SPOCK3: variants seen among roughly 807,000 people sequenced by gnomAD.
The protein encoded by SPOCK3 is SPARC (osteonectin), cwcv and kazal like domains proteoglycan 3.
A neutral mutation model predicts 56.6 loss-of-function variants in SPOCK3; 30 were observed. The ratio of observed to expected loss-of-function variants is 0.53; its 90% confidence interval spans 0.40 to 0.72. The LOEUF is 0.72. Among genes scored for constraint, SPOCK3 ranks in the 30% least tolerant of loss-of-function variants. The pLI is 0.00. For synonymous variants in SPOCK3, 196 were observed against 183.3 expected (o/e 1.07, Z -0.56); for missense variants, 527 against 530.0 (o/e 0.99, Z 0.06).
At chr4:166,784,369 C>T (rs760447127) in intron 7 of SPOCK3, among the ~76,000 whole-genome samples, 1 of 151,862 alleles carries the variant, frequency 6.6e-6, no homozygotes, top group Non-Finnish European at 1.5e-5. Context: ...ATATATGAAT[C>T]GTATAATTTC....
At chr4:167,021,478 C>T (rs1010819156) in intron 3 of SPOCK3, among the ~76,000 whole-genome samples, 5 of 151,962 alleles carry the variant, frequency 3.3e-5, no homozygotes, top group African/African-American at 1.2e-4. Context: ...TCTTCCCAGT[C>T]AAGTTCTCAA....
At chr4:166,874,416 C>A (rs1732867629) in intron 6 of SPOCK3, among the ~76,000 whole-genome samples, 2 of 152,062 alleles carry the variant, frequency 1.3e-5, no homozygotes, top group South Asian at 4.2e-4. Context: ...AGCATCAGAC[C>A]CTTGAAAAAT....
chr4:166,841,362 A>C (rs1162805341), intron 6 of SPOCK3, among the ~76,000 whole-genome samples: 1 of 152,002 alleles, frequency 6.6e-6, no homozygotes, highest in African/African-American at 2.4e-5. Flanking sequence ...GATGCAAGCA[A>C]AAGAAAAACA....
chr4:166,966,796 C>A (rs1458605993), intron 4 of SPOCK3, among the ~76,000 whole-genome samples: 2 of 152,052 alleles, frequency 1.3e-5, no homozygotes, highest in South Asian at 2.1e-4. Flanking sequence ...ACCTTACTGA[C>A]CCTCTAGCAG....
At chr4:167,226,716 A>G (rs9312522) in intron 2 of SPOCK3, among the ~76,000 whole-genome samples, 27,146 of 151,970 alleles carry the variant, frequency 0.18, 3,327 homozygotes, top group African/African-American at 0.34. Flanking sequence ...GGTGAATTCT[A>G]GGACAAGGTG....
At chr4:167,173,523 T>C (rs1270488860) in intron 2 of SPOCK3, among the ~76,000 whole-genome samples, 1 of 152,128 alleles carries the variant, frequency 6.6e-6, no homozygotes, top group African/African-American at 2.4e-5. Context: ...GCTAGTAAAT[T>C]TCTTCATATG....
chr4:167,214,138 A>C lies in SPOCK3; in HGVS notation c.189+19847T>G, dbSNP rs188582014. Reference sequence around the variant, plus strand: ...ATTATATTGGTTGAGGATGTCTTCCAAGATGTAAATTTAGAAAAGGTTTTA... The same window carrying C: ...ATTATATTGGTTGAGGATGTCTTCCCAGATGTAAATTTAGAAAAGGTTTTA... On this transcript the variant is annotated intron_variant, in intron 2 of 10. Coordinates refer to ENST00000357545, the MANE Select transcript of SPOCK3 (RefSeq NM_001040159.2). 7.9e-5 allele frequency among the ~76,000 whole-genome samples: 12 copies of C among 152,098 alleles called. No homozygotes were observed. In the East Asian group the frequency reaches 2.4e-3, roughly 30 times the overall value.
At position 167,188,420 on chromosome 4, in the gene SPOCK3, T is replaced by C. The variant is rs1732200102; in HGVS notation, c.189+45565A>G. Among the ~76,000 whole-genome samples the C allele has an allele frequency of 2.1e-5, 3 of 146,036 alleles. 1 individual carries two copies. The Admixed American group carries it at 2.1e-4, about 10-fold the overall frequency. Reference sequence around the variant, plus strand: ...AGAATAGAACTAGAAATAGCCCAGATACTGGAACGATAAGAAAAAAGGTCT... The same window carrying C: ...AGAATAGAACTAGAAATAGCCCAGACACTGGAACGATAAGAAAAAAGGTCT... On this transcript the variant is annotated intron_variant, in intron 2 of 10. Transcript: ENST00000357545.
intron 5 of SPOCK3, among the ~76,000 whole-genome samples, chr4:166,904,585 ATTAG>A (rs1258600034): frequency 6.6e-6 from 1 of 152,060 alleles, no homozygotes; most frequent in Non-Finnish European, 1.5e-5. Context: ...ATAACATTAT[ATTAG>A]TTGAAATAAG....
intron 2 of SPOCK3, among the ~76,000 whole-genome samples, chr4:167,157,564 A>G (rs1764921980): frequency 6.6e-6 from 1 of 151,734 alleles, no homozygotes; most frequent in Non-Finnish European, 1.5e-5. Context: ...GTCACATATT[A>G]TATTTCTTCT....
At chr4:167,062,660 C>A in intron 2 of SPOCK3, 123 bp from the exon 3 acceptor site, 1 of 641,996 alleles carries the variant, frequency 1.6e-6, no homozygotes. Flanking sequence ...CCTGCAATGG[C>A]AAGCAGCAAA....
intron 3 of SPOCK3, among the ~76,000 whole-genome samples, chr4:167,045,821 T>A (rs1334849165): frequency 6.6e-6 from 1 of 152,172 alleles, no homozygotes; most frequent in African/African-American, 2.4e-5. Context: ...ATTATAATTT[T>A]GAACAAACTA....
At chr4:166,881,887 A>G (rs888162186) in intron 6 of SPOCK3, among the ~76,000 whole-genome samples, 50 of 152,184 alleles carry the variant, frequency 3.3e-4, no homozygotes, top group Admixed American at 2.3e-3. Flanking sequence ...TGGAAAGCTA[A>G]TACGTCCTAT....
rs571977562 is a variant in SPOCK3, at chr4:166,841,422, TA to T, written c.589+47707del. On this transcript the variant is annotated intron_variant, in intron 6 of 10. Coordinates refer to ENST00000357545, the MANE Select transcript of SPOCK3 (RefSeq NM_001040159.2). ...CAAATTGTCATTTTACAATAATTTT[TA>T]AAAAAATTTCTTAAAGTAAGAAAAA... is the stretch of plus-strand genomic sequence containing the variant. Among the ~76,000 whole-genome samples the T allele has an allele frequency of 7.2e-5, 11 of 152,256 alleles. No homozygotes were observed. The East Asian group carries it at 1.9e-3, about 27-fold the overall frequency.
intron 2 of SPOCK3, among the ~76,000 whole-genome samples, chr4:167,106,842 T>G (rs1454982061): frequency 3.4e-5 from 5 of 148,506 alleles, no homozygotes; most frequent in Non-Finnish European, 6.0e-5. Context: ...ACCACAGAAA[T>G]TGAAAGGATC....
At position 166,792,305 on chromosome 4, in the gene SPOCK3, C is replaced by A. The variant is rs373046758; in HGVS notation, c.590-16G>T. The A allele has an allele frequency of 2.0e-5, 32 of 1,613,202 alleles. No individual in the cohort carries two copies. The African/African-American group carries it at 2.1e-4, about 11-fold the overall frequency. On this transcript the variant is annotated splice_polypyrimidine_tract_variant and intron_variant, in intron 6 of 10. Transcript: ENST00000357545. ...TCACTGCATGCTAAAAACAGAGAAA[C>A]AACACAAGTCTTGAATAATATCTTA...
intron 6 of SPOCK3, among the ~76,000 whole-genome samples, chr4:166,847,686 T>TATATATATATATATATATAAAC (rs1748251106): frequency 7.5e-6 from 1 of 133,380 alleles, no homozygotes; most frequent in African/African-American, 2.7e-5. Flanking sequence ...TATATAAGAA[T>TATATATATATATATATATAAAC]CATGTTTACT....
At chr4:166,803,894 A>G (rs1742875533) in intron 6 of SPOCK3, among the ~76,000 whole-genome samples, 1 of 152,146 alleles carries the variant, frequency 6.6e-6, no homozygotes, top group Admixed American at 6.6e-5. Context: ...TTAAATGCAA[A>G]TTAACTGTAG....
chr4:166,749,720 A>T (rs1393284712), intron 8 of SPOCK3, among the ~76,000 whole-genome samples: 3 of 152,146 alleles, frequency 2.0e-5, no homozygotes, highest in Admixed American at 1.3e-4. Context: ...ATATTGTTCT[A>T]TTTCATTTTG....
Sources: allele counts gnomAD v4.1 joint callset (sites outside exome capture counted in the v4.1 genomes callset), GRCh38; gene constraint gnomAD v4.1.1; transcripts MANE v1.5; gene names NCBI Gene and HGNC (gene_info 2026-07-23, HGNC 2026-07-21).